The following PON3 variants were observed in gnomAD, a reference collection of about 807,000 sequenced individuals.
PON3 encodes serum paraoxonase/lactonase 3.
Under a neutral mutation model 36.3 loss-of-function variants are expected in PON3, and 37 were observed. That is an observed-to-expected ratio of 1.02 (90% CI 0.78 to 1.34). The LOEUF (loss-of-function observed/expected upper bound fraction) is 1.34, where lower values mean the gene tolerates loss of function less well. PON3 is among the 40% of genes most tolerant of loss of function. The pLI is 0.00. For synonymous variants in PON3, 155 were observed against 154.8 expected (o/e 1.00, Z -0.01); for missense variants, 415 against 426.5 (o/e 0.97, Z 0.24).
intron 5 of PON3, chr7:95,365,996 T>C (rs1808682885): frequency 7.6e-6 from 1 of 132,416 alleles, no homozygotes; most frequent in Non-Finnish European, 1.6e-5. Flanking sequence ...TCTGAGGAAG[T>C]GGTGGTTGGG....
chr7:95,391,577 A>G (rs113560689), intron 2 of PON3, among the ~76,000 whole-genome samples: 1 of 152,328 alleles, frequency 6.6e-6, no homozygotes, highest in Non-Finnish European at 1.5e-5. Flanking sequence ...AAACAAAATA[A>G]GAGTTTCTTC....
At chr7:95,381,385 C>T (rs1227089213) in intron 3 of PON3, among the ~76,000 whole-genome samples, 1 of 152,096 alleles carries the variant, frequency 6.6e-6, no homozygotes, top group South Asian at 2.1e-4. Context: ...GCTAAATGCT[C>T]CAATTAAAAG....
At chr7:95,383,102 C>T (rs950843390) in intron 3 of PON3, among the ~76,000 whole-genome samples, 1 of 152,048 alleles carries the variant, frequency 6.6e-6, no homozygotes, top group Admixed American at 6.6e-5. Context: ...AGATAAAAAC[C>T]ACATGATTAT....
intron 3 of PON3, among the ~76,000 whole-genome samples, chr7:95,382,447 G>C (rs1450883001): frequency 6.6e-6 from 1 of 152,090 alleles, no homozygotes; most frequent in African/African-American, 2.4e-5. Flanking sequence ...AAAATTGATA[G>C]ACCACTAGCA....
chr7:95,390,042 C>T (rs775253093), intron 3 of PON3, 112 bp downstream of exon 3: 48 of 1,146,830 alleles, frequency 4.2e-5, no homozygotes, highest in Non-Finnish European at 5.8e-5. Context: ...CTGGTTTACC[C>T]GGAGGTGGGA....
At chr7:95,387,796 T>C (rs1005888164) in intron 3 of PON3, among the ~76,000 whole-genome samples, 1 of 152,108 alleles carries the variant, frequency 6.6e-6, no homozygotes, top group African/African-American at 2.4e-5. Context: ...TATAGACCTA[T>C]GGAACAGAAC....
intron 3 of PON3, among the ~76,000 whole-genome samples, chr7:95,374,393 TC>T (rs1373756009): frequency 6.6e-6 from 1 of 152,180 alleles, no homozygotes; most frequent in Non-Finnish European, 1.5e-5. Context: ...CTTTCTTGGT[TC>T]CCTGTTCTCT....
chr7:95,373,976 T>C (rs1349856562), intron 3 of PON3, among the ~76,000 whole-genome samples: 4 of 152,130 alleles, frequency 2.6e-5, no homozygotes, highest in East Asian at 1.9e-4. Flanking sequence ...TAAATTCTCA[T>C]AGGAGTGCAA....
At chr7:95,378,889 A>G (rs532146579) in intron 3 of PON3, among the ~76,000 whole-genome samples, 2 of 152,300 alleles carry the variant, frequency 1.3e-5, no homozygotes, top group South Asian at 4.1e-4. Context: ...ACAGGGCCAA[A>G]TTCAAACATA....
At chr7:95,394,598 G>T in intron 2 of PON3, 46 bp downstream of exon 2, 2 of 1,541,862 alleles carry the variant, frequency 1.3e-6, no homozygotes, top group South Asian at 2.2e-5. Flanking sequence ...GGTGGATGAC[G>T]ACCAAGAAGC....
At chr7:95,369,586 C>T (rs1808765870) in intron 4 of PON3, among the ~76,000 whole-genome samples, 1 of 152,098 alleles carries the variant, frequency 6.6e-6, no homozygotes, top group Non-Finnish European at 1.5e-5. Context: ...ACCAGCCTGG[C>T]CAACATGGTG....
intron 3 of PON3, among the ~76,000 whole-genome samples, chr7:95,383,940 C>G (rs1809127186): frequency 6.6e-6 from 1 of 152,138 alleles, no homozygotes; most frequent in Non-Finnish European, 1.5e-5. Context: ...ATCACGCTAC[C>G]TGACTTCAAA....
At chr7:95,388,851 A>G (rs1181593055) in intron 3 of PON3, among the ~76,000 whole-genome samples, 2 of 152,164 alleles carry the variant, frequency 1.3e-5, no homozygotes, top group Admixed American at 1.3e-4. Context: ...AGAAAACCAG[A>G]CACTGCATGT....
At chr7:95,382,403 T>A (rs1809079930) in intron 3 of PON3, among the ~76,000 whole-genome samples, 1 of 151,972 alleles carries the variant, frequency 6.6e-6, no homozygotes, top group African/African-American at 2.4e-5. Context: ...AAAAAATCAA[T>A]GAATCCAGGA....
intron 7 of PON3, 98 bp downstream of exon 7, chr7:95,362,662 A>T: frequency 7.2e-7 from 1 of 1,385,028 alleles, no homozygotes; most frequent in Non-Finnish European, 1.0e-6. Flanking sequence ...ATTGCTCTCA[A>T]ATAGCCATGT....
chr7:95,361,538 T>C (rs989436842), intron 8 of PON3, among the ~76,000 whole-genome samples: 9 of 152,182 alleles, frequency 5.9e-5, no homozygotes, highest in African/African-American at 2.2e-4. Flanking sequence ...TTTTTTCCCA[T>C]AAAATTTGCC....
In PON3 at chr7:95,364,063, A is replaced by G; in HGVS notation, c.495T>C (p.Ser165=). The stretch of plus-strand genomic sequence containing the variant: ...GTCCAAGAACCACAATGTCATTCAC[A>G]CTAAAGTGAAAGGGAGGTGGAAAAA... The part of the protein sequence containing the change: ...LKTIKHELLK[S]VNDIVVLGPE... Residue 165 remains serine (S), a splice_region_variant and synonymous_variant, in exon 6 of 9, where the codon AGT becomes AGC. Coordinates refer to ENST00000265627, the MANE Select transcript of PON3 (RefSeq NM_000940.3). 1.9e-6 allele frequency: 3 copies of G among 1,613,082 alleles called. No homozygotes were observed. Among genetic ancestry groups the G allele is most frequent in the Non-Finnish European group, 2.5e-6 (3 of 1,179,086 alleles).
intron 4 of PON3, among the ~76,000 whole-genome samples, chr7:95,369,871 T>TG (rs762385393): frequency 1.7e-4 from 26 of 152,142 alleles, no homozygotes; most frequent in Non-Finnish European, 3.2e-4. Context: ...AACAAGATGG[T>TG]GGGCAGGCTT....
intron 2 of PON3, among the ~76,000 whole-genome samples, chr7:95,392,079 T>C (rs1293947625): frequency 3.3e-5 from 5 of 152,226 alleles, no homozygotes; most frequent in Admixed American, 1.3e-4. Context: ...CTTTACAAAT[T>C]GGTTATGAGG....
Sources: allele counts gnomAD v4.1 joint callset (sites outside exome capture counted in the v4.1 genomes callset), GRCh38; gene constraint gnomAD v4.1.1; transcripts MANE v1.5; gene names NCBI Gene and HGNC (gene_info 2026-07-23, HGNC 2026-07-21).